The following CDH13 variants were observed in gnomAD, a reference collection of about 807,000 sequenced individuals.
The protein encoded by CDH13 is cadherin-13.
In CDH13, 24 loss-of-function variants were observed where a neutral mutation model predicts 63.8. That is an observed-to-expected ratio of 0.38 (90% confidence interval 0.27 to 0.53). CDH13 has a LOEUF of 0.53. Among genes scored for constraint, CDH13 ranks in the 20% least tolerant of loss-of-function variants. CDH13 has a pLI of 0.85. For synonymous variants in CDH13, 503 were observed against 355.3 expected (o/e 1.42, Z -4.67); for missense variants, 1,049 against 903.1 (o/e 1.16, Z -2.07).
intron 2 of CDH13, among the ~76,000 whole-genome samples, chr16:83,020,968 C>G (rs1423694508): frequency 2.0e-5 from 3 of 152,186 alleles, no homozygotes; most frequent in Non-Finnish European, 4.4e-5. Context: ...CATTAATTTA[C>G]CCTTGAGATG....
intron 1 of CDH13, among the ~76,000 whole-genome samples, chr16:82,734,851 A>C (rs1040014161): frequency 1.3e-5 from 2 of 152,188 alleles, no homozygotes; most frequent in African/African-American, 2.4e-5. Flanking sequence ...ATTGTTGAGA[A>C]GCTGAGAGCC....
At chr16:82,678,792 C>T (rs982287380) in intron 1 of CDH13, among the ~76,000 whole-genome samples, 5 of 152,182 alleles carry the variant, frequency 3.3e-5, no homozygotes, top group African/African-American at 4.8e-5. Flanking sequence ...GGAAGTTTCT[C>T]TCTTAGGCAG....
intron 3 of CDH13, among the ~76,000 whole-genome samples, chr16:83,051,147 C>T (rs1222034264): frequency 6.6e-6 from 1 of 152,330 alleles, no homozygotes; most frequent in African/African-American, 2.4e-5. Context: ...ATCATGCCCT[C>T]TTCAAAGGCT....
At chr16:83,025,008 C>T (rs1303883147) in intron 2 of CDH13, among the ~76,000 whole-genome samples, 1 of 152,090 alleles carries the variant, frequency 6.6e-6, no homozygotes. Flanking sequence ...TAGCAAGGTA[C>T]CTGACTAGAA....
At position 83,426,138 on chromosome 16, in the gene CDH13, T is replaced by G. The variant is rs74032073; in HGVS notation, c.782-60339T>G. Among the ~76,000 whole-genome samples the G allele has an allele frequency of 6.8e-3, 1,034 of 152,234 alleles. 10 individuals carry two copies. The highest frequency in any genetic ancestry group is 0.024 in the African/African-American group (994 of 41,532). On this transcript the variant is annotated intron_variant, in intron 6 of 13. Coordinates refer to ENST00000567109, the MANE Select transcript of CDH13 (RefSeq NM_001257.5). ...AGAACCTTTCTTCTTTCACCCTCTT[T>G]CATCCATTCCTTCTCTGAAGCTCAT...
rs112242116 is a variant in CDH13, at chr16:82,698,980, G to C, written c.45+71843G>C. On this transcript the variant is annotated intron_variant, in intron 1 of 13. Transcript: ENST00000567109. ...AAAACAGAGATATTCTTAGCTTCCA[G>C]GCTGTATAAAAATAGACTGCATGCC... Among the ~76,000 whole-genome samples, 495 of 152,068 alleles carry C rather than the reference G, an allele frequency of 3.3e-3. 1 individual carries two copies. The highest frequency in any genetic ancestry group is 0.011 in the African/African-American group (476 of 41,454).
chr16:83,028,682 A>G (rs918057878), intron 2 of CDH13, among the ~76,000 whole-genome samples: 1 of 152,242 alleles, frequency 6.6e-6, no homozygotes, highest in African/African-American at 2.4e-5. Flanking sequence ...ATTAACAACA[A>G]TAACTAATGA....
chr16:83,288,820 A>G (rs55998548), intron 5 of CDH13, among the ~76,000 whole-genome samples: 12 of 152,332 alleles, frequency 7.9e-5, no homozygotes, highest in Non-Finnish European at 1.8e-4. Flanking sequence ...CTGAATGAAA[A>G]TTAATGCTGT....
rs36053087 is a variant in CDH13, at chr16:83,047,253, A to ATTTT, written c.366+15039_366+15042dup. ...GGCCTGTGTATTTATTTATTTATTT[A>ATTTT]TTTTTTTGGTAAAGGCCTCTGCTGT... On this transcript the variant is annotated intron_variant, in intron 3 of 13. Transcript: ENST00000567109. This position sits in a 1 kb window ranked among gnomAD's most constrained non-coding sequence, Gnocchi z 4.9. Among the ~76,000 whole-genome samples, 25 of 152,042 alleles carry ATTTT rather than the reference A, an allele frequency of 1.6e-4. No individual in the cohort carries two copies. The highest frequency in any genetic ancestry group is 3.4e-3 in the Middle Eastern group (1 of 294).
intron 6 of CDH13, among the ~76,000 whole-genome samples, chr16:83,464,699 GC>G (rs2073265203): frequency 6.6e-6 from 1 of 152,088 alleles, no homozygotes; most frequent in South Asian, 2.1e-4. Context: ...TGGACGGAAT[GC>G]CTGCCCTAAT....
intron 3 of CDH13, among the ~76,000 whole-genome samples, chr16:83,083,471 A>C (rs1004909029): frequency 2.0e-5 from 3 of 152,186 alleles, no homozygotes; most frequent in African/African-American, 7.2e-5. Context: ...CCTTGCCCCC[A>C]TGTTATGCAT....
intron 2 of CDH13, among the ~76,000 whole-genome samples, chr16:82,872,793 T>G (rs1240548257): frequency 6.6e-6 from 1 of 152,184 alleles, no homozygotes; most frequent in East Asian, 1.9e-4. Context: ...AGATGTATAT[T>G]GAGTCCCTAC....
intron 1 of CDH13, among the ~76,000 whole-genome samples, chr16:82,691,762 C>G (rs2219657): frequency 0.12 from 18,675 of 152,124 alleles, 1,253 homozygotes; most frequent in Middle Eastern, 0.18. Context: ...AAGATGGTCT[C>G]CCCTCAATAT....
chr16:83,353,874 T>C lies in CDH13; in HGVS notation c.781+8868T>C, dbSNP rs543424408. ...ATAAACGCTTAATAGCCCTGCCCAC[T>C]AATTTTTTGGATATGATATTTTAGG... On this transcript the variant is annotated intron_variant, in intron 6 of 13. Coordinates refer to ENST00000567109, the MANE Select transcript of CDH13 (RefSeq NM_001257.5). Among the ~76,000 whole-genome samples the C allele has an allele frequency of 1.3e-3, 202 of 152,372 alleles. 1 individual carries two copies. The highest frequency in any genetic ancestry group is 4.7e-3 in the African/African-American group (194 of 41,600).
intron 1 of CDH13, among the ~76,000 whole-genome samples, chr16:82,852,664 C>G (rs1021352774): frequency 1.3e-5 from 2 of 152,164 alleles, no homozygotes; most frequent in Non-Finnish European, 1.5e-5. Flanking sequence ...TTTGCAAAAT[C>G]TAAAGCAAAA....
chr16:83,424,975 C>A (rs1040294212), intron 6 of CDH13, among the ~76,000 whole-genome samples: 21 of 152,182 alleles, frequency 1.4e-4, no homozygotes, highest in Non-Finnish European at 2.6e-4. Flanking sequence ...TTTGCTGCAA[C>A]AAAAAGTCCC....
intron 1 of CDH13, among the ~76,000 whole-genome samples, chr16:82,697,412 A>AT (rs1567638311): frequency 2.4e-5 from 3 of 123,796 alleles, no homozygotes; most frequent in East Asian, 2.6e-4. Context: ...GGGCCAAGGC[A>AT]TTTCTTTTTT....
intron 2 of CDH13, among the ~76,000 whole-genome samples, chr16:82,905,807 C>T (rs973529918): frequency 6.6e-6 from 1 of 152,106 alleles, no homozygotes; most frequent in Non-Finnish European, 1.5e-5. Flanking sequence ...TTATTTTGCA[C>T]TTGTGGCATG....
chr16:83,550,242 G>C (rs1232915849), intron 7 of CDH13, among the ~76,000 whole-genome samples: 1 of 152,196 alleles, frequency 6.6e-6, no homozygotes, highest in Non-Finnish European at 1.5e-5. Flanking sequence ...GAATCTCTTG[G>C]TCAGCTGGCC....
Sources: gnomAD v4.1 joint callset for allele counts (sites outside exome capture counted in the v4.1 genomes callset) on GRCh38, gnomAD v4.1.1 for gene constraint, Gnocchi (gnomAD v3.1) non-coding constraint, MANE v1.5 for transcripts, NCBI Gene and HGNC (gene_info 2026-07-23, HGNC 2026-07-21) for gene names.